The following PDE4B variants were observed in gnomAD, a reference collection of about 807,000 sequenced individuals.
PDE4B encodes the protein phosphodiesterase 4B.
Under a neutral mutation model 82.2 loss-of-function variants are expected in PDE4B, and 20 were observed. The observed-to-expected ratio is 0.24, with a 90% CI of 0.17 to 0.35. PDE4B has a LOEUF of 0.35. PDE4B is among the 10% of genes least tolerant of loss of function. The probability of loss-of-function intolerance (pLI) is 1.00; values close to 1 mark genes in which losing one functional copy is unlikely to be tolerated. For synonymous variants in PDE4B, 320 were observed against 318.9 expected (o/e 1.00, Z -0.04); for missense variants, 655 against 907.2 (o/e 0.72, Z 3.57).
At chr1:66,304,831 T>C (rs1041431806) in intron 7 of PDE4B, among the ~76,000 whole-genome samples, 1 of 152,110 alleles carries the variant, frequency 6.6e-6, no homozygotes, top group African/African-American at 2.4e-5. Flanking sequence ...AAAATCCACT[T>C]CCTCCAAGAA....
intron 7 of PDE4B, among the ~76,000 whole-genome samples, chr1:66,321,923 T>C (rs1659433030): frequency 6.6e-6 from 1 of 152,144 alleles, no homozygotes. Context: ...CTTCAAACTA[T>C]ACTACAAGGC....
At chr1:65,940,144 G>A (rs1439625506) in intron 3 of PDE4B, among the ~76,000 whole-genome samples, 1 of 152,118 alleles carries the variant, frequency 6.6e-6, no homozygotes, top group Non-Finnish European at 1.5e-5. Context: ...GGTGATGTTT[G>A]ATTGATACAC....
chr1:66,036,171 A>AT (rs1261355992), intron 3 of PDE4B, among the ~76,000 whole-genome samples: 6 of 151,720 alleles, frequency 4.0e-5, no homozygotes, highest in Admixed American at 1.3e-4. Flanking sequence ...TTTTAAAGTT[A>AT]TTTTTTTCCT....
At chr1:65,813,622 G>A (rs1014662252) in intron 1 of PDE4B, among the ~76,000 whole-genome samples, 1 of 152,124 alleles carries the variant, frequency 6.6e-6, no homozygotes, top group Non-Finnish European at 1.5e-5. Flanking sequence ...GTTTTTCTGA[G>A]GAGGGGGTCC....
intron 1 of PDE4B, among the ~76,000 whole-genome samples, chr1:65,911,480 C>T (rs1283445296): frequency 1.3e-5 from 2 of 151,834 alleles, no homozygotes; most frequent in Non-Finnish European, 2.9e-5. Flanking sequence ...GTTTAAAACA[C>T]ATTTAAATCT....
intron 4 of PDE4B, among the ~76,000 whole-genome samples, chr1:66,253,226 A>G (rs1234834821): frequency 6.7e-6 from 1 of 149,702 alleles, no homozygotes; most frequent in Non-Finnish European, 1.5e-5. Flanking sequence ...TGGCTCCAAA[A>G]TCTGTGCTGT....
At chr1:66,365,106 G>A (rs1199134736) in intron 12 of PDE4B, among the ~76,000 whole-genome samples, 1 of 152,160 alleles carries the variant, frequency 6.6e-6, no homozygotes, top group African/African-American at 2.4e-5. Flanking sequence ...TTCTTAGAAA[G>A]GTTCTCAAAT....
rs556236785 is a variant in PDE4B, at chr1:66,269,875, T to C, written c.634+3788T>C. Reference sequence around the variant, plus strand: ...TCCGAGTCATGTAAATGTGACTTGATGTAAAATAATATGTATCATGTATAC... The same window carrying C: ...TCCGAGTCATGTAAATGTGACTTGACGTAAAATAATATGTATCATGTATAC... On this transcript the variant is annotated intron_variant, in intron 7 of 16. Coordinates refer to ENST00000341517, the MANE Select transcript of PDE4B (RefSeq NM_002600.4). Among the ~76,000 whole-genome samples, 6 of 152,362 alleles carry C rather than the reference T, an allele frequency of 3.9e-5. No homozygotes were observed. In the East Asian group the frequency reaches 1.2e-3, roughly 29 times the overall value.
At chr1:66,099,032 CATTTT>C (rs1256349078) in intron 3 of PDE4B, among the ~76,000 whole-genome samples, 1 of 152,082 alleles carries the variant, frequency 6.6e-6, no homozygotes, top group African/African-American at 2.4e-5. Context: ...AATTTCATTT[CATTTT>C]AAGTTCTGGG....
At chr1:66,093,793 C>T (rs2503232) in intron 3 of PDE4B, among the ~76,000 whole-genome samples, 151,765 of 152,192 alleles carry the variant, frequency 1, 75,671 homozygotes, top group Middle Eastern at 1. Context: ...TGGTATTTGA[C>T]GTATTCAATT....
At chr1:66,364,131 T>C in intron 12 of PDE4B, among the ~76,000 whole-genome samples, 1 of 152,164 alleles carries the variant, frequency 6.6e-6, no homozygotes, top group East Asian at 1.9e-4. Context: ...CAATTACTTA[T>C]CTGAACTGCC....
At chr1:66,209,145 A>G (rs1479665644) in intron 3 of PDE4B, among the ~76,000 whole-genome samples, 1 of 152,190 alleles carries the variant, frequency 6.6e-6, no homozygotes, top group Non-Finnish European at 1.5e-5. Context: ...TAGTGCAGTG[A>G]CAATTTCTTA....
At chr1:66,261,559 G>A (rs1367292858) in intron 6 of PDE4B, among the ~76,000 whole-genome samples, 2 of 152,162 alleles carry the variant, frequency 1.3e-5, no homozygotes, top group African/African-American at 4.8e-5. Flanking sequence ...GGTTAGTGTG[G>A]TTTATTGTAG....
chr1:65,935,270 T>G (rs1352236518), intron 3 of PDE4B, among the ~76,000 whole-genome samples: 3 of 152,008 alleles, frequency 2.0e-5, no homozygotes, highest in Non-Finnish European at 4.4e-5. Context: ...TATTCTTCGC[T>G]TAATGGGTCA....
chr1:65,907,639 A>G (rs1315065834), intron 1 of PDE4B, among the ~76,000 whole-genome samples: 3 of 152,134 alleles, frequency 2.0e-5, no homozygotes, highest in South Asian at 2.1e-4. Context: ...TCAAGATCCC[A>G]TGGTCTAGTT....
chr1:66,020,800 G>A (rs1248205751), intron 3 of PDE4B, among the ~76,000 whole-genome samples: 3 of 152,196 alleles, frequency 2.0e-5, no homozygotes, highest in East Asian at 1.9e-4. Context: ...CTTTATAGCA[G>A]CATGATTTAT....
At chr1:66,180,488 GA>G (rs1350803709) in intron 3 of PDE4B, among the ~76,000 whole-genome samples, 2 of 152,124 alleles carry the variant, frequency 1.3e-5, no homozygotes. Context: ...GATAATCATA[GA>G]AATAAAGCTC....
At chr1:66,246,378 G>A (rs535132684) in intron 3 of PDE4B, among the ~76,000 whole-genome samples, 9 of 152,288 alleles carry the variant, frequency 5.9e-5, no homozygotes, top group African/African-American at 1.4e-4. Flanking sequence ...AATCATGGCC[G>A]CTGAATTGGT....
chr1:66,310,691 C>G (rs1557693433), intron 7 of PDE4B, among the ~76,000 whole-genome samples: 1 of 152,166 alleles, frequency 6.6e-6, no homozygotes, highest in Admixed American at 6.5e-5. Context: ...CATTGCTCTT[C>G]CACTGCCCCC....
Sources: allele counts gnomAD v4.1 joint callset (sites outside exome capture counted in the v4.1 genomes callset), GRCh38; gene constraint gnomAD v4.1.1; transcripts MANE v1.5; gene names NCBI Gene and HGNC (gene_info 2026-07-23, HGNC 2026-07-21).